The following PCDH15 variants were observed in gnomAD, a reference collection of about 807,000 sequenced individuals.
PCDH15 encodes protocadherin related 15, also known as protocadherin-15.
In PCDH15, 129 loss-of-function variants were observed where a neutral mutation model predicts 178.5. The ratio of observed to expected loss-of-function variants is 0.72; its 90% CI spans 0.63 to 0.84. The LOEUF is 0.84. Ranked by LOEUF, PCDH15 falls within the 40% of genes least tolerant of loss-of-function variation. PCDH15 has a pLI of 0.00. For synonymous variants in PCDH15, 800 were observed against 732.0 expected (o/e 1.09, Z -1.50); for missense variants, 2,230 against 2,099.9 (o/e 1.06, Z -1.21).
chr10:55,600,160 C>G (rs994165822), intron 2 of PCDH15: 1 of 290,290 alleles, frequency 3.4e-6, no homozygotes, highest in African/African-American at 2.2e-5. Flanking sequence ...GTCAGGAGAT[C>G]GAGACCATCC....
chr10:53,869,141 T>A (rs556591949), intron 26 of PCDH15, among the ~76,000 whole-genome samples: 2 of 152,208 alleles, frequency 1.3e-5, no homozygotes, highest in Non-Finnish European at 2.9e-5. Context: ...AAGCTCAAAC[T>A]ACCGGCTAAT....
intron 3 of PCDH15, among the ~76,000 whole-genome samples, chr10:54,457,556 G>A (rs562947625): frequency 6.6e-6 from 1 of 152,284 alleles, no homozygotes; most frequent in East Asian, 1.9e-4. Context: ...CTCAGCTCAT[G>A]TTTGGAGAAA....
At chr10:54,257,020 C>A (rs552732329) in intron 8 of PCDH15, among the ~76,000 whole-genome samples, 5 of 151,828 alleles carry the variant, frequency 3.3e-5, no homozygotes, top group African/African-American at 1.2e-4. Context: ...TGCCTTCATT[C>A]ACTTTCTCAT....
intron 14 of PCDH15, among the ~76,000 whole-genome samples, chr10:54,148,588 G>A (rs2044213445): frequency 6.6e-6 from 1 of 151,848 alleles, no homozygotes; most frequent in East Asian, 1.9e-4. Context: ...GGATATGGAG[G>A]GCCAAGTGTA....
In PCDH15 at chr10:55,535,066, G is replaced by A. The variant is rs1317324884; in HGVS notation, c.-156+92559C>T. 2.0e-5 allele frequency among the ~76,000 whole-genome samples: 3 copies of A among 152,084 alleles called. No individual in the cohort carries two copies. The East Asian group carries it at 5.8e-4, about 29-fold the overall frequency. ...GCTGCGGACTAGTAGATGGAGGAAC[G>A]GAGAAAGCATGGGTTGAAAAACTAC... On this transcript the variant is annotated intron_variant, in intron 2 of 5. Coordinates refer to the PCDH15 transcript ENST00000613346.
At chr10:54,650,536 A>G (rs1463597158) in intron 2 of PCDH15, among the ~76,000 whole-genome samples, 1 of 152,172 alleles carries the variant, frequency 6.6e-6, no homozygotes, top group Non-Finnish European at 1.5e-5. Flanking sequence ...ATGACTATTG[A>G]TATGATTCAT....
At chr10:54,873,568 G>GTC (rs1390237281) in intron 3 of PCDH15, among the ~76,000 whole-genome samples, 6,046 of 146,858 alleles carry the variant, frequency 0.041, 449 homozygotes, top group African/African-American at 0.14. Flanking sequence ...ACGTATGTGT[G>GTC]TGTGTGTATA....
chr10:54,817,581 T>C (rs55925661), intron 3 of PCDH15, among the ~76,000 whole-genome samples: 220 of 152,124 alleles, frequency 1.4e-3, no homozygotes, highest in African/African-American at 5.1e-3. Context: ...GATGATTCTA[T>C]TAGTAAAATT....
chr10:55,178,130 C>T (rs1839546538), intron 1 of PCDH15, among the ~76,000 whole-genome samples: 2 of 152,144 alleles, frequency 1.3e-5, no homozygotes, highest in African/African-American at 4.8e-5. Flanking sequence ...TCCCTTTAAA[C>T]ACCATCAGGA....
intron 23 of PCDH15, among the ~76,000 whole-genome samples, chr10:53,953,373 T>A (rs1315618732): frequency 6.6e-6 from 1 of 152,216 alleles, no homozygotes; most frequent in East Asian, 1.9e-4. Flanking sequence ...ACAAAATGAG[T>A]CTGTTTCAAT....
At chr10:54,353,271 A>G (rs114884023) in intron 5 of PCDH15, among the ~76,000 whole-genome samples, 1,569 of 152,224 alleles carry the variant, frequency 0.01, 24 homozygotes, top group African/African-American at 0.035. Flanking sequence ...TAAAAAAAAT[A>G]CATATTCTTG....
intron 1 of PCDH15, among the ~76,000 whole-genome samples, chr10:54,708,807 C>T (rs991445505): frequency 2.2e-4 from 28 of 128,220 alleles, no homozygotes; most frequent in African/African-American, 3.6e-4. Flanking sequence ...TGTGTGCGCG[C>T]GCGTGCGTGT....
intron 2 of PCDH15, among the ~76,000 whole-genome samples, chr10:55,537,458 CAG>C (rs1464056824): frequency 2.0e-5 from 3 of 151,616 alleles, no homozygotes; most frequent in Non-Finnish European, 2.9e-5. Flanking sequence ...TATTTTGAGA[CAG>C]AGTCTCGCTT....
intron 17 of PCDH15, among the ~76,000 whole-genome samples, chr10:54,067,902 CTT>C (rs2094167326): frequency 1.3e-5 from 2 of 152,100 alleles, no homozygotes. Context: ...TAAGAAGTGA[CTT>C]GAGTGAAGCT....
intron 1 of PCDH15, among the ~76,000 whole-genome samples, chr10:55,255,632 A>G (rs1013942172): frequency 1.4e-4 from 22 of 152,158 alleles, no homozygotes; most frequent in African/African-American, 5.1e-4. Flanking sequence ...CTGACTTTTT[A>G]ATGATCGCCA....
At chr10:55,384,029 T>A (rs1459613770) in intron 2 of PCDH15, among the ~76,000 whole-genome samples, 1 of 152,224 alleles carries the variant, frequency 6.6e-6, no homozygotes, top group African/African-American at 2.4e-5. Context: ...CAGTAAATTG[T>A]ATATTTAAGA....
In PCDH15 at chr10:55,230,919, C is replaced by T. The variant is rs370038852; in HGVS notation, c.-155-64268G>A. On this transcript the variant is annotated intron_variant, in intron 1 of 5. Coordinates refer to the PCDH15 transcript ENST00000458638. Reference sequence around the variant, plus strand: ...GTCATACATTGAAAGGCCTTAAATGCCCAACCAGATATTTTAGAGGTGGAA... The same window carrying T: ...GTCATACATTGAAAGGCCTTAAATGTCCAACCAGATATTTTAGAGGTGGAA... Among the ~76,000 whole-genome samples, 10 of 152,024 alleles carry T rather than the reference C, an allele frequency of 6.6e-5. No individual in the cohort carries two copies. The East Asian group carries it at 9.7e-4, about 15-fold the overall frequency.
chr10:54,239,986 C>T (rs80190575), intron 8 of PCDH15, among the ~76,000 whole-genome samples: 8,310 of 152,058 alleles, frequency 0.055, 564 homozygotes, highest in African/African-American at 0.17. Flanking sequence ...TTTAGGATGA[C>T]CTTGTTAAAT....
chr10:54,336,820 A>T (rs1941261203), intron 6 of PCDH15, among the ~76,000 whole-genome samples: 1 of 152,184 alleles, frequency 6.6e-6, no homozygotes, highest in Non-Finnish European at 1.5e-5. Flanking sequence ...TGTCCTCCAG[A>T]ACCCAGAAAG....
Sources: allele counts gnomAD v4.1 joint callset (sites outside exome capture counted in the v4.1 genomes callset), GRCh38; gene constraint gnomAD v4.1.1; transcripts MANE v1.5; gene names NCBI Gene and HGNC (gene_info 2026-07-23, HGNC 2026-07-21).